Variants in SLC7A1 observed in about 807,000 individuals in gnomAD.
The protein encoded by SLC7A1 is high affinity cationic amino acid transporter 1.
Under a neutral mutation model 53.9 loss-of-function variants are expected in SLC7A1, and 10 were observed. That is an observed-to-expected ratio of 0.19 (90% CI 0.11 to 0.31). SLC7A1 has a LOEUF of 0.31. Ranked by LOEUF, SLC7A1 falls within the 10% of genes least tolerant of loss-of-function variation. The pLI is 1.00. For synonymous variants in SLC7A1, 342 were observed against 338.7 expected (o/e 1.01, Z -0.11); for missense variants, 525 against 827.2 (o/e 0.63, Z 4.48).
At chr13:29,580,071 G>A (rs1734300834) in intron 1 of SLC7A1, among the ~76,000 whole-genome samples, 1 of 152,152 alleles carries the variant, frequency 6.6e-6, no homozygotes, top group Non-Finnish European at 1.5e-5. Flanking sequence ...GTTTAGGGCT[G>A]GAAACCTCAC....
chr13:29,540,876 C>T (rs989548626), intron 2 of SLC7A1, among the ~76,000 whole-genome samples: 2 of 152,186 alleles, frequency 1.3e-5, no homozygotes, highest in Non-Finnish European at 2.9e-5. Flanking sequence ...GGTGGTATTA[C>T]TATTATAGGA....
intron 1 of SLC7A1, among the ~76,000 whole-genome samples, chr13:29,567,139 A>C (rs1871001317): frequency 6.6e-6 from 1 of 152,186 alleles, no homozygotes; most frequent in Non-Finnish European, 1.5e-5. Flanking sequence ...GTTACATTGC[A>C]AATACAAGCT....
chr13:29,527,803 C>T (rs919683538), intron 5 of SLC7A1, among the ~76,000 whole-genome samples: 1 of 152,368 alleles, frequency 6.6e-6, no homozygotes, highest in East Asian at 1.9e-4. Flanking sequence ...ACCCTCACAC[C>T]AGCCACCCTG....
At chr13:29,573,827 A>G (rs1018618284) in intron 1 of SLC7A1, among the ~76,000 whole-genome samples, 5 of 152,246 alleles carry the variant, frequency 3.3e-5, no homozygotes, top group African/African-American at 9.6e-5. Context: ...TAAACCTGGT[A>G]ACCCTGGTTT....
intron 2 of SLC7A1, among the ~76,000 whole-genome samples, chr13:29,550,255 G>C (rs1593560361): frequency 6.6e-6 from 1 of 152,194 alleles, no homozygotes; most frequent in Non-Finnish European, 1.5e-5. Context: ...CAGCCAGCAG[G>C]GCCAGTGACG....
rs1290472635 is a variant in SLC7A1 at position 29,514,427 on chromosome 13, C to T, written c.*53G>A. ...GGGGAGGGTGGGGTGCCTCCCGGTC[C>T]TCTGGGGGCGTCCCTCGGGGCTGCT... On this transcript the variant is annotated 3_prime_UTR_variant, in exon 13 of 13. Transcript: ENST00000380752. 7.1e-7 allele frequency: 1 copy of T among 1,399,646 alleles called. No individual in the cohort carries two copies. The highest frequency in any genetic ancestry group is 1.0e-6 in the Non-Finnish European group (1 of 1,000,824). 86.7% of individuals were successfully genotyped at this position (1,399,646 alleles called of 1,614,324 possible). A position where few individuals can be genotyped will look rare whatever the true frequency, so the allele number is the denominator to read the frequency against.
intron 6 of SLC7A1, 38 bp downstream of exon 6, chr13:29,524,094 G>GC: frequency 6.2e-7 from 1 of 1,607,682 alleles, no homozygotes; most frequent in African/African-American, 1.3e-5. Context: ...TGCCCAGGGT[G>GC]CAGGAGGACC....
intron 1 of SLC7A1, among the ~76,000 whole-genome samples, chr13:29,567,958 T>C (rs1871040210): frequency 6.6e-6 from 1 of 151,644 alleles, no homozygotes; most frequent in African/African-American, 2.4e-5. Context: ...TCCAAAGAGC[T>C]CCCACCCAGG....
intron 8 of SLC7A1, 111 bp downstream of exon 8, chr13:29,522,206 A>C: frequency 9.0e-7 from 1 of 1,113,172 alleles, no homozygotes; most frequent in Non-Finnish European, 1.3e-6. Context: ...ACCAGGAGTT[A>C]AAAAGACCAG....
intron 1 of SLC7A1, among the ~76,000 whole-genome samples, chr13:29,572,485 C>T (rs374106669): frequency 3.9e-5 from 6 of 152,024 alleles, no homozygotes; most frequent in South Asian, 2.1e-4. Flanking sequence ...GGCACCAGGG[C>T]GTGGGACTAG....
In SLC7A1 at chr13:29,510,115, C is replaced by T. The variant is rs1883349220; in HGVS notation, c.*4365G>A. On this transcript the variant is annotated 3_prime_UTR_variant, in exon 13 of 13. Transcript: ENST00000380752. ...GAGAAAATCTTCTCTTTAAGCTTGG[C>T]CAAGGTACTCCATCTCCTGTGGGGT... The T allele has an allele frequency of 6.6e-6, 1 of 152,602 alleles. No homozygotes were observed. The highest frequency in any genetic ancestry group is 1.5e-5 in the Non-Finnish European group (1 of 68,046). The allele number at this position is 152,602 out of a possible 1,614,324, so 9.5% of individuals were successfully genotyped here.
chr13:29,576,141 A>T (rs1365664993), intron 1 of SLC7A1, among the ~76,000 whole-genome samples: 1 of 152,028 alleles, frequency 6.6e-6, no homozygotes, highest in African/African-American at 2.4e-5. Flanking sequence ...TATTCTAAAA[A>T]ATTAACCAGG....
intron 1 of SLC7A1, among the ~76,000 whole-genome samples, chr13:29,574,504 C>A (rs561325571): frequency 1.3e-5 from 2 of 152,214 alleles, no homozygotes; most frequent in Non-Finnish European, 2.9e-5. Context: ...CACCCAATAC[C>A]TGTGGAACAC....
intron 5 of SLC7A1, among the ~76,000 whole-genome samples, chr13:29,530,089 A>G (rs1869082288): frequency 6.6e-6 from 1 of 152,148 alleles, no homozygotes; most frequent in Admixed American, 6.5e-5. Context: ...AAATAGTTTC[A>G]CCTATTTCTC....
At chr13:29,592,867 C>A (rs1359808482) in intron 1 of SLC7A1, among the ~76,000 whole-genome samples, 2 of 152,098 alleles carry the variant, frequency 1.3e-5, no homozygotes, top group African/African-American at 4.8e-5. Flanking sequence ...ACCCCAGGAC[C>A]TTTGAACCCC....
intron 5 of SLC7A1, among the ~76,000 whole-genome samples, chr13:29,529,870 T>A (rs912968990): frequency 6.6e-6 from 1 of 152,312 alleles, no homozygotes; most frequent in South Asian, 2.1e-4. Context: ...GGCTTTTTTT[T>A]CCTAGGTTAT....
At chr13:29,521,667 T>C (rs1868637403) in intron 8 of SLC7A1, among the ~76,000 whole-genome samples, 1 of 152,188 alleles carries the variant, frequency 6.6e-6, no homozygotes, top group East Asian at 1.9e-4. Flanking sequence ...CACACGAGCT[T>C]CCTTGTAGGT....
intron 5 of SLC7A1, among the ~76,000 whole-genome samples, chr13:29,526,551 G>C (rs944951969): frequency 6.6e-6 from 1 of 152,100 alleles, no homozygotes; most frequent in African/African-American, 2.4e-5. Context: ...ATGGATAGAT[G>C]AGCTTTAGGC....
At chr13:29,566,388 G>A (rs1387785719) in intron 1 of SLC7A1, among the ~76,000 whole-genome samples, 1 of 152,224 alleles carries the variant, frequency 6.6e-6, no homozygotes, top group Non-Finnish European at 1.5e-5. Flanking sequence ...TCCATCGACT[G>A]CTGAATGGAT....
Sources: gnomAD v4.1 joint callset for allele counts (sites outside exome capture counted in the v4.1 genomes callset) on GRCh38, gnomAD v4.1.1 for gene constraint, MANE v1.5 for transcripts, NCBI Gene and HGNC (gene_info 2026-07-23, HGNC 2026-07-21) for gene names.